Variants in RUNX1 observed in about 807,000 individuals in gnomAD.
RUNX1 encodes RUNX family transcription factor 1.
A neutral mutation model predicts 42.8 loss-of-function variants in RUNX1; 19 were observed. The ratio of observed to expected loss-of-function variants is 0.44; its 90% CI spans 0.31 to 0.65. The LOEUF is 0.65. RUNX1 is among the 30% of genes least tolerant of loss of function. The pLI, the probability that RUNX1 is intolerant of heterozygous loss-of-function variation, is 0.07. For synonymous variants in RUNX1, 271 were observed against 289.4 expected (o/e 0.94, Z 0.64); for missense variants, 528 against 672.0 (o/e 0.79, Z 2.37).
chr21:35,024,024 TAAAC>T (rs1326301149), intron 2 of RUNX1, among the ~76,000 whole-genome samples: 1 of 151,746 alleles, frequency 6.6e-6, no homozygotes, highest in Non-Finnish European at 1.5e-5. Context: ...TACAAATCAA[TAAAC>T]AAATAAATAT....
chr21:34,988,356 CA>C lies in RUNX1; in HGVS notation c.58+60485del, dbSNP rs372425244. ...ACACCAGGCGTGTAGTCTCATCTTTCATCAACATTCCTGGGGCTGCTCCTTT... is the reference window on the plus strand; with the variant it reads ...ACACCAGGCGTGTAGTCTCATCTTTCTCAACATTCCTGGGGCTGCTCCTTT... On this transcript the variant is annotated intron_variant, in intron 2 of 8. Coordinates refer to ENST00000675419, the MANE Select transcript of RUNX1 (RefSeq NM_001754.5). Among the ~76,000 whole-genome samples the C allele has an allele frequency of 3.9e-4, 60 of 152,250 alleles. No homozygotes were observed. The East Asian group carries it at 8.7e-3, about 22-fold the overall frequency.
intron 3 of RUNX1, chr21:34,888,441 A>C (rs897643413): frequency 6.6e-6 from 7 of 1,067,152 alleles, no homozygotes; most frequent in Non-Finnish European, 7.9e-6. Context: ...GTTCGCAGCC[A>C]GGAAAGAAGT....
At chr21:34,983,101 A>G (rs1010081614) in intron 2 of RUNX1, among the ~76,000 whole-genome samples, 1 of 152,210 alleles carries the variant, frequency 6.6e-6, no homozygotes, top group Non-Finnish European at 1.5e-5. Flanking sequence ...GAGAGAAGGC[A>G]TTAAATGTGT....
chr21:34,965,112 C>T (rs1443156774), intron 2 of RUNX1, among the ~76,000 whole-genome samples: 1 of 151,984 alleles, frequency 6.6e-6, no homozygotes, highest in Non-Finnish European at 1.5e-5. Context: ...CGCACATACA[C>T]TCCTTTCCAT....
At position 34,889,839 on chromosome 21, in the gene RUNX1, A is replaced by G. The variant is rs1015167402; in HGVS notation, c.98-2743T>C. The G allele has an allele frequency of 1.7e-5, 19 of 1,108,170 alleles. No homozygotes were observed. The East Asian group carries it at 9.3e-4, about 54-fold the overall frequency. 68.6% of individuals were successfully genotyped at this position (1,108,170 alleles called of 1,614,324 possible). A position where few individuals can be genotyped will look rare whatever the true frequency, so the allele number is the denominator to read the frequency against. The stretch of plus-strand genomic sequence containing the variant: ...CCCAGCGGAGGCTGCTCCCGTCACC[A>G]TGAGTCCCTCCACGCCCTCCCTGCC... On this transcript the variant is annotated intron_variant, in intron 3 of 8. Coordinates refer to ENST00000675419, the MANE Select transcript of RUNX1 (RefSeq NM_001754.5).
intron 6 of RUNX1, chr21:34,856,157 C>T (rs962869941): frequency 2.9e-4 from 105 of 360,026 alleles, no homozygotes; most frequent in African/African-American, 2.0e-3. Flanking sequence ...CAAGTTTACC[C>T]GTCGGCATGA....
rs986649588 is a variant in RUNX1, at chr21:34,799,240, C to T, written c.967+61G>A. ...GTTCTGCCAACTCCTTCATGCACCTCTAGTCTCCTGGACCTTCCACCCCAG... is the reference window on the plus strand; with the variant it reads ...GTTCTGCCAACTCCTTCATGCACCTTTAGTCTCCTGGACCTTCCACCCCAG... On this transcript the variant is annotated intron_variant, in intron 8 of 8. Coordinates refer to ENST00000675419, the MANE Select transcript of RUNX1 (RefSeq NM_001754.5). 44 of 1,572,950 alleles carry T rather than the reference C, an allele frequency of 2.8e-5. No individual in the cohort carries two copies. In the Admixed American group the frequency reaches 4.5e-4, roughly 16 times the overall value.
intron 7 of RUNX1, among the ~76,000 whole-genome samples, chr21:34,816,871 G>A (rs1309391007): frequency 6.6e-6 from 1 of 152,166 alleles, no homozygotes; most frequent in African/African-American, 2.4e-5. Flanking sequence ...GAGCAAGAAT[G>A]AGCTTCGGAA....
chr21:34,918,820 C>T (rs1050893131), intron 2 of RUNX1, among the ~76,000 whole-genome samples: 23 of 152,068 alleles, frequency 1.5e-4, no homozygotes, highest in African/African-American at 4.6e-4. Flanking sequence ...GCAGGAGAAT[C>T]GCTTGAACCC....
chr21:35,047,104 C>A (rs2059401356), intron 2 of RUNX1, among the ~76,000 whole-genome samples: 2 of 152,176 alleles, frequency 1.3e-5, no homozygotes, highest in African/African-American at 4.8e-5. Context: ...ACACTGAAAC[C>A]CAACCTATTG....
At chr21:34,993,601 G>GCACAGA (rs1420325478) in intron 2 of RUNX1, among the ~76,000 whole-genome samples, 1 of 46,434 alleles carries the variant, frequency 2.2e-5, no homozygotes, top group Admixed American at 1.6e-4. Context: ...ACACACACAG[G>GCACAGA]CACACACAGG....
chr21:34,892,672 C>A (rs1179957562), intron 3 of RUNX1, among the ~76,000 whole-genome samples: 4 of 152,244 alleles, frequency 2.6e-5, no homozygotes, highest in Admixed American at 2.6e-4. Flanking sequence ...CATTTAATAG[C>A]ATCAGAATGC....
At chr21:35,020,795 T>TAA (rs2059192909) in intron 2 of RUNX1, among the ~76,000 whole-genome samples, 1 of 152,254 alleles carries the variant, frequency 6.6e-6, no homozygotes, top group African/African-American at 2.4e-5. Flanking sequence ...AGTCTGTTGC[T>TAA]TGTTTAATGC....
intron 7 of RUNX1, among the ~76,000 whole-genome samples, chr21:34,814,588 G>A (rs551184055): frequency 2.2e-4 from 34 of 152,290 alleles, no homozygotes; most frequent in African/African-American, 6.7e-4. Flanking sequence ...CTTTGGCCTG[G>A]CTGTCTGAAC....
chr21:34,893,230 C>A (rs1456296366), intron 2 of RUNX1, among the ~76,000 whole-genome samples: 1 of 152,098 alleles, frequency 6.6e-6, no homozygotes, highest in African/African-American at 2.4e-5. Flanking sequence ...CTCTTTTAAG[C>A]TCCGTGTGTG....
In RUNX1 at chr21:34,917,962, C is replaced by G. The variant is rs528202998; in HGVS notation, c.59-24999G>C. Among the ~76,000 whole-genome samples the G allele has an allele frequency of 5.9e-5, 9 of 151,942 alleles. 1 individual carries two copies. The South Asian group carries it at 1.9e-3, about 32-fold the overall frequency. ...TGGCCAACATGGTGAAACCCTGTCT[C>G]TACTAAAAATACAAAAATTAGGTAG... On this transcript the variant is annotated intron_variant, in intron 2 of 8. Transcript: ENST00000675419.
chr21:34,942,064 A>G (rs1316744014), intron 2 of RUNX1, among the ~76,000 whole-genome samples: 2 of 152,206 alleles, frequency 1.3e-5, no homozygotes, highest in Non-Finnish European at 2.9e-5. Flanking sequence ...CCCCTGCTGC[A>G]TCCATCAAAT....
chr21:34,887,384 A>T, intron 3 of RUNX1: 2 of 1,410,800 alleles, frequency 1.4e-6, no homozygotes, highest in South Asian at 3.1e-5. Context: ...TAAAAAGTGG[A>T]GACTATCTTC....
chr21:34,860,983 A>G (rs949131613), intron 5 of RUNX1, among the ~76,000 whole-genome samples: 2 of 152,208 alleles, frequency 1.3e-5, no homozygotes, highest in African/African-American at 4.8e-5. Flanking sequence ...TGCTCTGCCC[A>G]TTGTGCCTTT....
Sources: gnomAD v4.1 joint callset for allele counts (sites outside exome capture counted in the v4.1 genomes callset) on GRCh38, gnomAD v4.1.1 for gene constraint, MANE v1.5 for transcripts, NCBI Gene and HGNC (gene_info 2026-07-23, HGNC 2026-07-21) for gene names.